The following FRMD4A variants were observed in gnomAD, a reference collection of about 807,000 sequenced individuals.
FRMD4A encodes the protein FERM domain containing 4A.
Under a neutral mutation model 129.1 loss-of-function variants are expected in FRMD4A, and 29 were observed. The observed-to-expected ratio is 0.22, with a 90% CI of 0.17 to 0.31. FRMD4A has a LOEUF of 0.31. FRMD4A is among the 10% of genes least tolerant of loss of function. The pLI is 1.00. For missense variants in FRMD4A, 1,272 were observed against 1,375.8 expected (o/e 0.92, Z 1.19); for synonymous variants, 634 against 571.6 (o/e 1.11, Z -1.56).
intron 2 of FRMD4A, among the ~76,000 whole-genome samples, chr10:13,885,806 C>T (rs1262519525): frequency 6.6e-6 from 1 of 152,190 alleles, no homozygotes; most frequent in Non-Finnish European, 1.5e-5. Flanking sequence ...TGTTACAAAA[C>T]ACTCAAGCAG....
chr10:13,856,794 C>T (rs1389025301), intron 3 of FRMD4A, among the ~76,000 whole-genome samples: 1 of 152,190 alleles, frequency 6.6e-6, no homozygotes, highest in Admixed American at 6.5e-5. Flanking sequence ...GTAATTAAAT[C>T]TATTTTTTTC....
chr10:14,016,919 T>C (rs968479104), intron 2 of FRMD4A, among the ~76,000 whole-genome samples: 4 of 152,214 alleles, frequency 2.6e-5, no homozygotes, highest in Non-Finnish European at 4.4e-5. Flanking sequence ...ACAAGGCCCA[T>C]CAGCATCCTT....
At chr10:14,048,845 TAGAATAGAATAGAATAGAATAGAATAG>T (rs1834109901) in intron 2 of FRMD4A, among the ~76,000 whole-genome samples, 1 of 63,158 alleles carries the variant, frequency 1.6e-5, no homozygotes, top group African/African-American at 8.5e-5. Context: ...TAGAATAGAA[TAGAATAGAATAGAATAGAATAGAATAG>T]AATAGAATAG....
At chr10:14,256,111 C>A (rs1365478060) in intron 2 of FRMD4A, among the ~76,000 whole-genome samples, 1 of 151,542 alleles carries the variant, frequency 6.6e-6, no homozygotes, top group African/African-American at 2.4e-5. Flanking sequence ...GACAAATGTA[C>A]CAAAAACATT....
At position 13,657,483 on chromosome 10, in the gene FRMD4A, T is replaced by C; in HGVS notation, c.2106A>G (p.Ala702=). ...TGGAGCTCCGGTGCCTAAAGTGCAG[T>C]GCGAGGCTGTGCAGTCGGGTGGGGC... The part of the protein sequence containing the change: ...DISPTRLHSL[A]LHFRHRSSSL... Residue 702 remains alanine (A), a synonymous_variant, in exon 22 of 25, where the codon GCA becomes GCG. Coordinates refer to ENST00000357447, the MANE Select transcript of FRMD4A (RefSeq NM_018027.5). 3 of 1,605,388 alleles carry C rather than the reference T, an allele frequency of 1.9e-6. No homozygotes were observed. Among genetic ancestry groups the C allele is most frequent in the South Asian group, 1.1e-5 (1 of 90,774 alleles).
At chr10:14,176,339 C>T (rs1418528427) in intron 2 of FRMD4A, among the ~76,000 whole-genome samples, 1 of 152,176 alleles carries the variant, frequency 6.6e-6, no homozygotes, top group Non-Finnish European at 1.5e-5. Context: ...TCTGATGTGA[C>T]TTCCATTTCC....
chr10:13,704,416 A>C, intron 13 of FRMD4A, among the ~76,000 whole-genome samples: 1 of 151,650 alleles, frequency 6.6e-6, no homozygotes, highest in African/African-American at 2.4e-5. Context: ...GGCTCCTCCA[A>C]CTCCCACTTC....
intron 2 of FRMD4A, among the ~76,000 whole-genome samples, chr10:14,232,341 T>C (rs920104260): frequency 6.6e-6 from 1 of 152,212 alleles, no homozygotes; most frequent in Non-Finnish European, 1.5e-5. Flanking sequence ...AGCCCTTCAG[T>C]ATAGTTTGAA....
chr10:14,316,508 C>CAAAAAAAAA (rs760301974), intron 2 of FRMD4A, among the ~76,000 whole-genome samples: 10 of 109,860 alleles, frequency 9.1e-5, no homozygotes, highest in Non-Finnish European at 1.3e-4. Context: ...GTGATAGCAG[C>CAAAAAAAAA]AAAAAAAAAA....
intron 2 of FRMD4A, among the ~76,000 whole-genome samples, chr10:13,991,475 T>C (rs2095603139): frequency 6.6e-6 from 1 of 152,182 alleles, no homozygotes; most frequent in South Asian, 2.1e-4. Context: ...CCACTGCCTC[T>C]AGGGGCTGCA....
chr10:13,920,551 G>A (rs2095059750), intron 2 of FRMD4A, among the ~76,000 whole-genome samples: 1 of 152,200 alleles, frequency 6.6e-6, no homozygotes, highest in African/African-American at 2.4e-5. Context: ...TTTGGGCATT[G>A]TGTTTTTGCA....
At chr10:13,670,756 CTTCCAAAGTTTT>C (rs1196102326) in intron 16 of FRMD4A, among the ~76,000 whole-genome samples, 1 of 152,220 alleles carries the variant, frequency 6.6e-6, no homozygotes, top group African/African-American at 2.4e-5. Flanking sequence ...AATAGTTGCA[CTTCCAAAGTTTT>C]TTCCAAAGTA....
chr10:13,686,010 C>T (rs1295087262), intron 15 of FRMD4A, among the ~76,000 whole-genome samples: 4 of 152,222 alleles, frequency 2.6e-5, no homozygotes, highest in African/African-American at 9.7e-5. Flanking sequence ...TCAGGCCAGT[C>T]CTGCTCAAAC....
chr10:13,749,206 T>C (rs138198676), intron 8 of FRMD4A, among the ~76,000 whole-genome samples: 2 of 152,328 alleles, frequency 1.3e-5, no homozygotes, highest in Admixed American at 6.5e-5. Context: ...CAAAGGCACA[T>C]GTAGGAGCAT....
intron 2 of FRMD4A, among the ~76,000 whole-genome samples, chr10:14,265,717 G>A (rs1048857400): frequency 6.6e-6 from 1 of 152,208 alleles, no homozygotes; most frequent in African/African-American, 2.4e-5. Context: ...ATAGGATGCA[G>A]CTATGGAATT....
intron 2 of FRMD4A, among the ~76,000 whole-genome samples, chr10:14,061,051 A>G (rs1397220580): frequency 6.6e-6 from 1 of 152,216 alleles, no homozygotes; most frequent in Non-Finnish European, 1.5e-5. Context: ...GGCAGAGGAT[A>G]TAATCAAGTA....
At chr10:13,759,355 T>C (rs1409418721) in intron 8 of FRMD4A, among the ~76,000 whole-genome samples, 1 of 152,226 alleles carries the variant, frequency 6.6e-6, no homozygotes, top group Non-Finnish European at 1.5e-5. Flanking sequence ...CATGAATTAC[T>C]GTGGAGGCCA....
At chr10:13,659,161 G>A (rs777135195) in intron 21 of FRMD4A, among the ~76,000 whole-genome samples, 162 bp downstream of exon 21, 4 of 152,276 alleles carry the variant, frequency 2.6e-5, no homozygotes, top group Non-Finnish European at 5.9e-5. Context: ...CTTGGCTAAC[G>A]GGGGTTGACT....
chr10:13,931,775 T>TAAAAAA (rs59824238), intron 2 of FRMD4A, among the ~76,000 whole-genome samples: 3 of 129,282 alleles, frequency 2.3e-5, no homozygotes, highest in Non-Finnish European at 3.2e-5. Flanking sequence ...TCATCTTTAC[T>TAAAAAA]AAAAAAAAAA....
Sources: allele counts gnomAD v4.1 joint callset (sites outside exome capture counted in the v4.1 genomes callset), GRCh38; gene constraint gnomAD v4.1.1; transcripts MANE v1.5; gene names NCBI Gene and HGNC (gene_info 2026-07-23, HGNC 2026-07-21).